The following DPP6 variants were observed in gnomAD, a reference collection of about 807,000 sequenced individuals.
DPP6 encodes A-type potassium channel modulatory protein DPP6.
DPP6 carries 69 observed loss-of-function variants against 122.6 expected under a neutral mutation model. The ratio of observed to expected loss-of-function variants is 0.56; its 90% CI spans 0.46 to 0.69. The LOEUF is 0.69. Ranked by LOEUF, DPP6 falls within the 30% of genes least tolerant of loss-of-function variation. The probability of loss-of-function intolerance (pLI) is 0.00; values close to 1 mark genes in which losing one functional copy is unlikely to be tolerated. For synonymous variants in DPP6, 418 were observed against 433.1 expected (o/e 0.97, Z 0.43); for missense variants, 928 against 1,116.9 (o/e 0.83, Z 2.41).
At chr7:153,795,372 G>A in the DPP6 span, among the ~76,000 whole-genome samples, 12 of 152,174 alleles carry the variant, frequency 7.9e-5, no homozygotes, top group Non-Finnish European at 1.8e-4. Context: ...CTAGGATTGC[G>A]CCACTGCACT....
rs998902345 is a variant in DPP6, at chr7:154,893,795, G to A, written c.*1315G>A. 1.3e-5 allele frequency: 2 copies of A among 152,268 alleles called. No homozygotes were observed. Among genetic ancestry groups the A allele is most frequent in the Non-Finnish European group, 2.9e-5 (2 of 68,064 alleles). 9.4% of individuals were successfully genotyped at this position (152,268 alleles called of 1,614,324 possible). On this transcript the variant is annotated 3_prime_UTR_variant, in exon 26 of 26. Transcript: ENST00000377770. ...TGCTAACCCCGTGTTGAGCCTGCAT[G>A]CTGACACTGTGGCCGATCTGGACTC...
the DPP6 span, among the ~76,000 whole-genome samples, chr7:153,828,251 G>A: frequency 2.0e-5 from 3 of 152,198 alleles, no homozygotes; most frequent in Admixed American, 2.0e-4. Context: ...CAGGGGTAGG[G>A]CAGTGGAGGG....
the DPP6 span, among the ~76,000 whole-genome samples, chr7:153,857,708 A>G: frequency 6.6e-6 from 1 of 152,336 alleles, no homozygotes; most frequent in South Asian, 2.1e-4. Flanking sequence ...CATGCTTAGA[A>G]TATAAACACA....
chr7:154,454,228 T>A (rs998264069), intron 2 of DPP6, among the ~76,000 whole-genome samples: 3 of 152,212 alleles, frequency 2.0e-5, no homozygotes, highest in African/African-American at 7.2e-5. Context: ...AGTCCTGGGC[T>A]CCTCCGTGCC....
chr7:154,645,061 GT>G (rs538662916), intron 6 of DPP6, among the ~76,000 whole-genome samples: 15,224 of 121,792 alleles, frequency 0.12, 835 homozygotes, highest in African/African-American at 0.18. Flanking sequence ...TTATTTGTTG[GT>G]TTTTTTTTTT....
intron 3 of DPP6, among the ~76,000 whole-genome samples, chr7:154,496,271 C>T (rs961371285): frequency 3.9e-5 from 6 of 152,184 alleles, no homozygotes; most frequent in African/African-American, 1.4e-4. Flanking sequence ...TCTCAGAATC[C>T]AAGACTGCAA....
intron 1 of DPP6, among the ~76,000 whole-genome samples, chr7:154,321,784 CAAAAAAAAA>C (rs1180440495): frequency 3.2e-5 from 2 of 63,032 alleles, no homozygotes; most frequent in Middle Eastern, 0.01. Context: ...GACTCTGTCT[CAAAAAAAAA>C]AAAAAAAAAA....
In DPP6 at chr7:154,417,320, G is replaced by T. The variant is rs1431837123; in HGVS notation, c.244-28894G>T. ...CCAGAAATCTTAAAATGTAGTTTTT[G>T]TTGCAGTAGGTTTGGGGTGATGGCC... On this transcript the variant is annotated intron_variant, in intron 1 of 25. Coordinates refer to ENST00000377770, the MANE Select transcript of DPP6 (RefSeq NM_130797.4). Among the ~76,000 whole-genome samples, 7 of 146,786 alleles carry T rather than the reference G, an allele frequency of 4.8e-5. No homozygotes were observed. The Admixed American group carries it at 4.9e-4, about 10-fold the overall frequency.
At chr7:154,172,458 C>G (rs12234191) in intron 1 of DPP6, among the ~76,000 whole-genome samples, 33,558 of 152,074 alleles carry the variant, frequency 0.22, 3,821 homozygotes, top group East Asian at 0.33. Flanking sequence ...TTGTCATTAG[C>G]TGCATAGATC....
the DPP6 span, among the ~76,000 whole-genome samples, chr7:153,791,710 G>T: frequency 1.3e-5 from 2 of 152,104 alleles, no homozygotes; most frequent in African/African-American, 2.4e-5. Context: ...ATGAGCCACT[G>T]CGTCCAGCTA....
intron 5 of DPP6, among the ~76,000 whole-genome samples, chr7:154,636,797 G>A (rs914031097): frequency 6.6e-6 from 1 of 152,148 alleles, no homozygotes; most frequent in Non-Finnish European, 1.5e-5. Flanking sequence ...TTCCATCATT[G>A]GTCCTCCAAA....
chr7:153,769,626 G>T, the DPP6 span, among the ~76,000 whole-genome samples: 6 of 152,206 alleles, frequency 3.9e-5, no homozygotes, highest in African/African-American at 1.4e-4. Context: ...CAACTGACAA[G>T]CATTAACTTA....
At chr7:154,075,199 G>T (rs1171567245) in intron 1 of DPP6, among the ~76,000 whole-genome samples, 1 of 151,700 alleles carries the variant, frequency 6.6e-6, no homozygotes, top group African/African-American at 2.4e-5. Flanking sequence ...CTTCTACACT[G>T]CTTGTAGGAA....
intron 1 of DPP6, among the ~76,000 whole-genome samples, chr7:154,257,795 C>T (rs1380697407): frequency 6.6e-6 from 1 of 152,082 alleles, no homozygotes; most frequent in Non-Finnish European, 1.5e-5. Context: ...GGTAATGGTT[C>T]CCACTATTTG....
intron 1 of DPP6, among the ~76,000 whole-genome samples, chr7:154,062,022 G>GTT (rs1802035140): frequency 4.6e-5 from 6 of 130,134 alleles, no homozygotes; most frequent in African/African-American, 1.7e-4. Flanking sequence ...GCAGGGGGGG[G>GTT]GAGGCACCCC....
At chr7:154,827,962 G>A (rs973140506) in intron 16 of DPP6, among the ~76,000 whole-genome samples, 3 of 152,186 alleles carry the variant, frequency 2.0e-5, no homozygotes, top group Non-Finnish European at 4.4e-5. Context: ...ATATGGGGAG[G>A]TGGAAACTGG....
intron 3 of DPP6, among the ~76,000 whole-genome samples, chr7:154,504,566 C>T (rs767024642): frequency 7.9e-5 from 12 of 152,088 alleles, no homozygotes; most frequent in African/African-American, 1.4e-4. Context: ...CAAGGATCAA[C>T]GTATGGGACC....
chr7:153,942,449 G>A (rs1320449217), intron 1 of DPP6, among the ~76,000 whole-genome samples: 1 of 152,196 alleles, frequency 6.6e-6, no homozygotes, highest in Non-Finnish European at 1.5e-5. Context: ...GGCCCTCAGA[G>A]GCATTGGCTG....
intron 1 of DPP6, among the ~76,000 whole-genome samples, chr7:154,259,449 A>G (rs1802858029): frequency 6.6e-6 from 1 of 152,212 alleles, no homozygotes; most frequent in Non-Finnish European, 1.5e-5. Flanking sequence ...GGGGCAGTCA[A>G]AGAAGTTTGT....
Sources: allele counts gnomAD v4.1 joint callset (sites outside exome capture counted in the v4.1 genomes callset), GRCh38; gene constraint gnomAD v4.1.1; transcripts MANE v1.5; gene names NCBI Gene and HGNC (gene_info 2026-07-23, HGNC 2026-07-21).